STK10: variants seen among roughly 807,000 people sequenced by gnomAD.
The protein encoded by STK10 is serine/threonine kinase 10.
STK10 carries 78 observed loss-of-function variants against 113.8 expected under a neutral mutation model. That is an observed-to-expected ratio of 0.69 (90% confidence interval 0.57 to 0.83). STK10 has a LOEUF of 0.83. Among genes scored for constraint, STK10 ranks in the 40% least tolerant of loss-of-function variants. The pLI, the probability that STK10 is intolerant of heterozygous loss-of-function variation, is 0.00. For synonymous variants in STK10, 465 were observed against 494.7 expected (o/e 0.94, Z 0.80); for missense variants, 1,109 against 1,280.1 (o/e 0.87, Z 2.04).
chr5:172,185,896 A>G (rs1770947738), intron 1 of STK10, among the ~76,000 whole-genome samples: 1 of 152,234 alleles, frequency 6.6e-6, no homozygotes, highest in Non-Finnish European at 1.5e-5. Context: ...GGGGCAGTCC[A>G]AAAGCACTGC....
At chr5:172,117,709 G>A (rs995176065) in intron 3 of STK10, 79 bp from the exon 4 acceptor site, 1 of 1,574,436 alleles carries the variant, frequency 6.4e-7, no homozygotes, top group African/African-American at 1.4e-5. Context: ...ACGCCAGGGA[G>A]AAATATAAAA....
intron 3 of STK10, among the ~76,000 whole-genome samples, chr5:172,124,921 TG>T (rs1769589650): frequency 6.6e-6 from 1 of 152,232 alleles, no homozygotes. Flanking sequence ...CATTACTTTT[TG>T]CAATTCACTA....
intron 1 of STK10, among the ~76,000 whole-genome samples, chr5:172,161,848 A>G (rs1175608719): frequency 6.6e-6 from 1 of 151,244 alleles, no homozygotes; most frequent in African/African-American, 2.4e-5. Flanking sequence ...AGGTGTGCAC[A>G]CTCTTGGTGG....
At chr5:172,053,076 T>A (rs1291592637) in intron 17 of STK10, 34 bp from the exon 18 acceptor site, 1 of 1,591,610 alleles carries the variant, frequency 6.3e-7, no homozygotes, top group Non-Finnish European at 8.6e-7. Flanking sequence ...AGGTGAGAAA[T>A]CAGAAGACGC....
chr5:172,185,589 T>G (rs1401784942), intron 1 of STK10, among the ~76,000 whole-genome samples: 4 of 152,212 alleles, frequency 2.6e-5, no homozygotes, highest in Non-Finnish European at 5.9e-5. Context: ...ATGTTTAGCA[T>G]ACGCTAAAAA....
At chr5:172,073,873 G>A (rs1180459922) in intron 12 of STK10, among the ~76,000 whole-genome samples, 1 of 151,054 alleles carries the variant, frequency 6.6e-6, no homozygotes, top group Non-Finnish European at 1.5e-5. Flanking sequence ...GCTGAGGCAA[G>A]AGAAACGCTT....
rs1046149654 is a variant in STK10 at position 172,096,565 on chromosome 5, G to C, written c.871-5C>G. On this transcript the variant is annotated splice_polypyrimidine_tract_variant and splice_region_variant and intron_variant, in intron 7 of 18. Transcript: ENST00000176763. ...GATGCTGCTGACGAAGGGATGCTGA[G>C]GGGGCAAGATGCACCCAGATTAGAA... 3 of 1,612,648 alleles carry C rather than the reference G, an allele frequency of 1.9e-6. No homozygotes were observed. Among genetic ancestry groups the C allele is most frequent in the Non-Finnish European group, 8.5e-7 (1 of 1,180,002 alleles).
At chr5:172,160,004 C>T (rs1309526741) in intron 1 of STK10, among the ~76,000 whole-genome samples, 1 of 151,450 alleles carries the variant, frequency 6.6e-6, no homozygotes, top group African/African-American at 2.4e-5. Context: ...GGCGTGGTGG[C>T]AGACGCCTGT....
chr5:172,135,870 T>A (rs1423254971), intron 2 of STK10, among the ~76,000 whole-genome samples: 1 of 151,736 alleles, frequency 6.6e-6, no homozygotes, highest in Admixed American at 6.6e-5. Flanking sequence ...CTACTAAAAA[T>A]ACAAAAATTT....
chr5:172,157,218 G>T (rs1770368059), intron 1 of STK10, among the ~76,000 whole-genome samples: 2 of 152,148 alleles, frequency 1.3e-5, no homozygotes, highest in Admixed American at 1.3e-4. Flanking sequence ...GCTGGGGAGG[G>T]GCCAGAAATA....
Position 172,156,784 on chromosome 5 carries a change from TTG to T in STK10, c.159_160del (p.Lys54GlufsTer2). 1 of 1,613,414 alleles carries T rather than the reference TTG, an allele frequency of 6.2e-7. No individual in the cohort carries two copies. On this transcript the variant is annotated frameshift_variant and splice_region_variant, in exon 2 of 19. Transcript: ENST00000176763. LOFTEE classifies it high-confidence loss of function. ...AGCCAAAGCACCCGTCTCCTTATTC[TTG>T]GCCTGCAAAGAGGAGATACAGGAGG...
intron 1 of STK10, among the ~76,000 whole-genome samples, chr5:172,157,590 A>C (rs532458021): frequency 6.6e-6 from 1 of 151,862 alleles, no homozygotes; most frequent in African/African-American, 2.4e-5. Context: ...CTGTTTAAAA[A>C]TTTTTTTTGT....
intron 1 of STK10, among the ~76,000 whole-genome samples, chr5:172,170,786 T>C (rs1770652913): frequency 6.6e-6 from 1 of 152,202 alleles, no homozygotes; most frequent in Admixed American, 6.5e-5. Flanking sequence ...AACCCACCTA[T>C]CACTGATAAA....
At chr5:172,162,892 C>T (rs1294707676) in intron 1 of STK10, among the ~76,000 whole-genome samples, 1 of 152,238 alleles carries the variant, frequency 6.6e-6, no homozygotes, top group East Asian at 1.9e-4. Context: ...CCTTGCCCAC[C>T]ATCCTGAAAG....
intron 7 of STK10, among the ~76,000 whole-genome samples, chr5:172,097,163 C>T (rs920217037): frequency 6.6e-6 from 1 of 152,190 alleles, no homozygotes; most frequent in Non-Finnish European, 1.5e-5. Context: ...CTCAGCCTCC[C>T]AAGTAGCTGG....
intron 14 of STK10, 95 bp from the exon 15 acceptor site, chr5:172,057,568 G>C: frequency 6.7e-7 from 1 of 1,486,470 alleles, no homozygotes; most frequent in Non-Finnish European, 9.0e-7. Context: ...CCTCATGCTG[G>C]AGATGATAAC....
chr5:172,072,942 A>G (rs1768229085), intron 12 of STK10, among the ~76,000 whole-genome samples: 1 of 152,220 alleles, frequency 6.6e-6, no homozygotes, highest in South Asian at 2.1e-4. Flanking sequence ...ATATATAAAT[A>G]TCAATGTATT....
chr5:172,048,328 T>C (rs1767539364), intron 18 of STK10, among the ~76,000 whole-genome samples: 1 of 151,804 alleles, frequency 6.6e-6, no homozygotes, highest in Non-Finnish European at 1.5e-5. Context: ...TGCTGACCTG[T>C]CCTGCAGATT....
intron 8 of STK10, among the ~76,000 whole-genome samples, chr5:172,096,050 T>C (rs1473038504): frequency 6.6e-6 from 1 of 152,208 alleles, no homozygotes; most frequent in East Asian, 1.9e-4. Context: ...CCTGTGGCCA[T>C]ATGCAGCCTC....
Sources: allele counts gnomAD v4.1 joint callset (sites outside exome capture counted in the v4.1 genomes callset), GRCh38; gene constraint gnomAD v4.1.1; transcripts MANE v1.5; gene names NCBI Gene and HGNC (gene_info 2026-07-23, HGNC 2026-07-21).